ATP8A2: variants seen among roughly 807,000 people sequenced by gnomAD.
ATP8A2 encodes ATPase phospholipid transporting 8A2.
A neutral mutation model predicts 165.6 loss-of-function variants in ATP8A2; 100 were observed. The ratio of observed to expected loss-of-function variants is 0.60; its 90% CI spans 0.51 to 0.71. The LOEUF (loss-of-function observed/expected upper bound fraction) is 0.71, where lower values mean the gene tolerates loss of function less well. Ranked by LOEUF, ATP8A2 falls within the 30% of genes least tolerant of loss-of-function variation. The probability of loss-of-function intolerance (pLI) is 0.00; values close to 1 mark genes in which losing one functional copy is unlikely to be tolerated. For synonymous variants in ATP8A2, 543 were observed against 548.8 expected (o/e 0.99, Z 0.15); for missense variants, 1,227 against 1,479.5 (o/e 0.83, Z 2.80).
intron 24 of ATP8A2, among the ~76,000 whole-genome samples, chr13:25,645,539 T>C (rs969494181): frequency 5.3e-5 from 8 of 152,222 alleles, no homozygotes; most frequent in African/African-American, 1.7e-4. Context: ...TTTCTTAGCA[T>C]AGGCATTTAT....
chr13:25,693,433 G>C lies in ATP8A2; in HGVS notation c.2212-5740G>C, dbSNP rs78318016. Among the ~76,000 whole-genome samples, 7 of 152,266 alleles carry C rather than the reference G, an allele frequency of 4.6e-5. No individual in the cohort carries two copies. The East Asian group carries it at 1.4e-3, about 29-fold the overall frequency. On this transcript the variant is annotated intron_variant, in intron 24 of 36. Coordinates refer to ENST00000381655, the MANE Select transcript of ATP8A2 (RefSeq NM_016529.6). ...AACTCAAAGTAGAGGCTGGAGACACGTCAAGGGTGGCGTTAGAAGGATGGA... is the reference window on the plus strand; with the variant it reads ...AACTCAAAGTAGAGGCTGGAGACACCTCAAGGGTGGCGTTAGAAGGATGGA...
At chr13:25,943,331 A>G (rs1955123196) in intron 33 of ATP8A2, among the ~76,000 whole-genome samples, 1 of 152,164 alleles carries the variant, frequency 6.6e-6, no homozygotes, top group Admixed American at 6.5e-5. Context: ...CGATGTAACA[A>G]CGTTTCAGTC....
intron 27 of ATP8A2, among the ~76,000 whole-genome samples, chr13:25,820,045 G>A (rs1007783778): frequency 6.6e-6 from 1 of 152,272 alleles, no homozygotes; most frequent in Admixed American, 6.5e-5. Context: ...AGAAGAACAG[G>A]TCATCCCTTT....
chr13:25,837,041 G>C, intron 28 of ATP8A2, 122 bp from the exon 29 acceptor site: 2 of 1,241,700 alleles, frequency 1.6e-6, no homozygotes, highest in Non-Finnish European at 2.2e-6. Flanking sequence ...CTGGGGATCT[G>C]TGAATCATGG....
chr13:25,830,898 G>T (rs1951445131), intron 28 of ATP8A2, among the ~76,000 whole-genome samples: 1 of 152,152 alleles, frequency 6.6e-6, no homozygotes, highest in Non-Finnish European at 1.5e-5. Flanking sequence ...GAAGTATAAT[G>T]ATCAAATCTG....
At chr13:25,712,238 G>T (rs529567744) in intron 25 of ATP8A2, among the ~76,000 whole-genome samples, 1 of 152,136 alleles carries the variant, frequency 6.6e-6, no homozygotes, top group South Asian at 2.1e-4. Flanking sequence ...ATGGGTCAGG[G>T]GTGTCCACAG....
At chr13:25,643,068 T>A (rs1216201349) in intron 24 of ATP8A2, among the ~76,000 whole-genome samples, 3 of 151,606 alleles carry the variant, frequency 2.0e-5, no homozygotes, top group Non-Finnish European at 4.4e-5. Context: ...TGTTGTGGGA[T>A]GGGGGGAGGG....
intron 33 of ATP8A2, among the ~76,000 whole-genome samples, chr13:25,866,075 A>T (rs1952501271): frequency 6.6e-6 from 1 of 152,130 alleles, no homozygotes; most frequent in Admixed American, 6.5e-5. Context: ...TTTGCATTGG[A>T]AAGATGATGG....
Position 25,699,160 on chromosome 13 carries a change from A to T in ATP8A2, c.2212-13A>T, listed in dbSNP as rs2042896802. 6.6e-7 allele frequency: 1 copy of T among 1,518,298 alleles called. No homozygotes were observed. Among genetic ancestry groups the T allele is most frequent in the Non-Finnish European group, 8.8e-7 (1 of 1,130,604 alleles). 94.1% of individuals were successfully genotyped at this position (1,518,298 alleles called of 1,614,324 possible). The stretch of plus-strand genomic sequence containing the variant: ...CACAAAAAATGTGATTTTCCCCTAT[A>T]CTCTTGTTTCAGGCCACAAGGGCAG... On this transcript the variant is annotated splice_polypyrimidine_tract_variant and intron_variant, in intron 24 of 36. Transcript: ENST00000381655.
intron 27 of ATP8A2, among the ~76,000 whole-genome samples, chr13:25,790,959 G>A (rs2045155561): frequency 6.6e-6 from 1 of 152,104 alleles, no homozygotes; most frequent in South Asian, 2.1e-4. Flanking sequence ...AACCATTGTG[G>A]AAAAACAGTG....
At chr13:25,842,597 G>A (rs200986897) in intron 30 of ATP8A2, among the ~76,000 whole-genome samples, 4 of 151,924 alleles carry the variant, frequency 2.6e-5, no homozygotes, top group Non-Finnish European at 4.4e-5. Context: ...GCTTGAACCC[G>A]GGAGGTGGAG....
intron 24 of ATP8A2, among the ~76,000 whole-genome samples, chr13:25,635,004 C>T (rs1471651517): frequency 2.0e-5 from 3 of 152,086 alleles, no homozygotes; most frequent in Non-Finnish European, 4.4e-5. Flanking sequence ...GATGTTCCCT[C>T]TAATTTTAAA....
At chr13:25,765,294 C>G (rs921309551) in intron 25 of ATP8A2, among the ~76,000 whole-genome samples, 25 of 152,316 alleles carry the variant, frequency 1.6e-4, no homozygotes, top group African/African-American at 5.8e-4. Context: ...GAAGTGCCCC[C>G]AAGCACCTAG....
chr13:25,581,436 A>G (rs2039775049), intron 22 of ATP8A2, among the ~76,000 whole-genome samples: 1 of 152,322 alleles, frequency 6.6e-6, no homozygotes, highest in South Asian at 2.1e-4. Context: ...TAAGTGTATT[A>G]TCTAGAATTA....
intron 24 of ATP8A2, among the ~76,000 whole-genome samples, chr13:25,603,644 G>A (rs1418836388): frequency 6.6e-6 from 1 of 151,996 alleles, no homozygotes. Context: ...TTGGTGATGG[G>A]AGGTGGTGAG....
At chr13:25,854,043 G>C (rs1952085170) in intron 30 of ATP8A2, among the ~76,000 whole-genome samples, 1 of 152,166 alleles carries the variant, frequency 6.6e-6, no homozygotes, top group Non-Finnish European at 1.5e-5. Flanking sequence ...ATTGGGTTTT[G>C]TAACTCTTAT....
intron 24 of ATP8A2, among the ~76,000 whole-genome samples, chr13:25,674,148 A>C (rs572772294): frequency 6.6e-6 from 1 of 152,188 alleles, no homozygotes; most frequent in East Asian, 1.9e-4. Flanking sequence ...GTCTGGCCCA[A>C]AGTAACGTTT....
At chr13:25,663,788 G>T (rs2042097527) in intron 24 of ATP8A2, among the ~76,000 whole-genome samples, 1 of 152,188 alleles carries the variant, frequency 6.6e-6, no homozygotes, top group African/African-American at 2.4e-5. Context: ...AAAGACATTT[G>T]TGGAGGTCTC....
intron 16 of ATP8A2, among the ~76,000 whole-genome samples, chr13:25,569,254 A>T (rs1367599297): frequency 6.6e-6 from 1 of 152,182 alleles, no homozygotes; most frequent in Admixed American, 6.5e-5. Flanking sequence ...TCATGACTTT[A>T]CTGAACTATA....
Sources: allele counts gnomAD v4.1 joint callset (sites outside exome capture counted in the v4.1 genomes callset), GRCh38; gene constraint gnomAD v4.1.1; transcripts MANE v1.5; gene names NCBI Gene and HGNC (gene_info 2026-07-23, HGNC 2026-07-21).